Variants in EDAR observed in about 807,000 individuals in gnomAD.
The protein encoded by EDAR is tumor necrosis factor receptor superfamily member EDAR.
A neutral mutation model predicts 51.3 loss-of-function variants in EDAR; 38 were observed. The ratio of observed to expected loss-of-function variants is 0.74; its 90% CI spans 0.57 to 0.97. The LOEUF (loss-of-function observed/expected upper bound fraction) is 0.97, where lower values mean the gene tolerates loss of function less well. Among genes scored for constraint, EDAR ranks in the 50% least tolerant of loss-of-function variants. The pLI is 0.00. For missense variants in EDAR, 528 were observed against 595.0 expected (o/e 0.89, Z 1.17); for synonymous variants, 227 against 242.1 (o/e 0.94, Z 0.58).
intron 1 of EDAR, among the ~76,000 whole-genome samples, chr2:108,979,236 T>C (rs260607): frequency 0.77 from 117,812 of 152,080 alleles, 47,168 homozygotes; most frequent in South Asian, 0.87. Context: ...AGAATCTGCG[T>C]CTTAGAGCCC....
At chr2:108,913,647 T>TAAAA (rs2105408059) in intron 5 of EDAR, among the ~76,000 whole-genome samples, 1 of 152,068 alleles carries the variant, frequency 6.6e-6, no homozygotes, top group East Asian at 1.9e-4. Flanking sequence ...GGAAGGAGGC[T>TAAAA]GGTGATAAAA....
intron 1 of EDAR, among the ~76,000 whole-genome samples, chr2:108,946,039 C>A (rs260714): frequency 2.6e-5 from 4 of 152,082 alleles, no homozygotes; most frequent in African/African-American, 9.7e-5. Flanking sequence ...ACTGGCAGCA[C>A]TAGTCCTCAG....
intron 1 of EDAR, among the ~76,000 whole-genome samples, chr2:108,960,922 G>A (rs1207557091): frequency 6.6e-6 from 1 of 152,138 alleles, no homozygotes; most frequent in African/African-American, 2.4e-5. Flanking sequence ...CTGGACATTC[G>A]ACTTTATTTC....
intron 3 of EDAR, among the ~76,000 whole-genome samples, chr2:108,929,792 A>G (rs977714243): frequency 3.9e-5 from 6 of 152,212 alleles, no homozygotes; most frequent in East Asian, 3.9e-4. Flanking sequence ...AGCACTCAGG[A>G]AAAAATGTAC....
At chr2:108,922,013 G>A (rs1201880430) in intron 5 of EDAR, among the ~76,000 whole-genome samples, 1 of 152,258 alleles carries the variant, frequency 6.6e-6, no homozygotes, top group Non-Finnish European at 1.5e-5. Flanking sequence ...TGAGGACTCA[G>A]GGGACTTTGC....
intron 5 of EDAR, among the ~76,000 whole-genome samples, chr2:108,919,533 T>G (rs1697093846): frequency 6.6e-6 from 1 of 152,112 alleles, no homozygotes; most frequent in Non-Finnish European, 1.5e-5. Context: ...TAATTTTGTA[T>G]TTTTAGTAGA....
chr2:108,943,011 G>C (rs1177051569), intron 1 of EDAR, among the ~76,000 whole-genome samples: 1 of 152,186 alleles, frequency 6.6e-6, no homozygotes, highest in Non-Finnish European at 1.5e-5. Flanking sequence ...CACCGGGCAG[G>C]TGACCCGCAT....
chr2:108,903,269 T>C (rs1696735404), intron 11 of EDAR, among the ~76,000 whole-genome samples: 1 of 152,188 alleles, frequency 6.6e-6, no homozygotes, highest in South Asian at 2.1e-4. Context: ...AGATATACCA[T>C]GCCCATGGCT....
In EDAR at chr2:108,969,026, C is replaced by T. The variant is rs187375966; in HGVS notation, c.-19+19934G>A. ...TCAGAAGCTCCCGGAATCAGCAAGG[C>T]CACCTCAAGGGATCCCTCATTAAGG... On this transcript the variant is annotated intron_variant, in intron 1 of 11. Transcript: ENST00000258443. Among the ~76,000 whole-genome samples the T allele has an allele frequency of 1.4e-4, 22 of 152,284 alleles. No homozygotes were observed. In the East Asian group the frequency reaches 4.2e-3, roughly 29 times the overall value.
At chr2:108,983,360 A>AT (rs1016079194) in intron 1 of EDAR, among the ~76,000 whole-genome samples, 16 of 152,136 alleles carry the variant, frequency 1.1e-4, no homozygotes, top group Admixed American at 5.2e-4. Flanking sequence ...AAGGATTAGG[A>AT]TTTTTTGGGG....
chr2:108,920,018 C>T (rs1697106040), intron 5 of EDAR, among the ~76,000 whole-genome samples: 1 of 152,264 alleles, frequency 6.6e-6, no homozygotes, highest in Non-Finnish European at 1.5e-5. Flanking sequence ...CTGCCTTCTG[C>T]AGCTGAGCAA....
rs1330344750 is a variant in EDAR, at chr2:108,897,246, CCACAGTTAGATGTTGCAAGT to C, written c.1025-37_1025-18del. The C allele has an allele frequency of 1.2e-6, 2 of 1,607,648 alleles. No homozygotes were observed. The highest frequency in any genetic ancestry group is 1.7e-6 in the Non-Finnish European group (2 of 1,174,730). ...GGCTAAGACCTACAGACACCAATGG[CCACAGTTAGATGTTGCAAGT>C]CACAGTCAATAGAAGGTCAACACTG... On this transcript the variant is annotated intron_variant, in intron 11 of 11. Coordinates refer to ENST00000258443, the MANE Select transcript of EDAR (RefSeq NM_022336.4).
chr2:108,904,799 G>A (rs1696771311), intron 11 of EDAR, among the ~76,000 whole-genome samples: 1 of 152,200 alleles, frequency 6.6e-6, no homozygotes. Flanking sequence ...CTGGTTTCCA[G>A]GGGCCTAGGT....
At chr2:108,905,046 G>T (rs1696774720) in intron 11 of EDAR, among the ~76,000 whole-genome samples, 1 of 152,140 alleles carries the variant, frequency 6.6e-6, no homozygotes. Context: ...TTTAATTAAA[G>T]ACAAAACAAA....
chr2:108,987,833 C>T (rs1309830295), intron 1 of EDAR, among the ~76,000 whole-genome samples: 1 of 152,186 alleles, frequency 6.6e-6, no homozygotes, highest in Non-Finnish European at 1.5e-5. Context: ...TTTTTGGTGG[C>T]CTCTGTCAAA....
At chr2:108,947,790 T>C (rs771441163) in intron 1 of EDAR, among the ~76,000 whole-genome samples, 7 of 152,198 alleles carry the variant, frequency 4.6e-5, no homozygotes, top group Admixed American at 2.0e-4. Context: ...TGGGAGAGGC[T>C]GGTGTGAAGA....
At chr2:108,958,965 C>G (rs1359258921) in intron 1 of EDAR, among the ~76,000 whole-genome samples, 2 of 152,242 alleles carry the variant, frequency 1.3e-5, no homozygotes, top group Non-Finnish European at 2.9e-5. Context: ...TGCAAGTCCT[C>G]AAGAAGTGGC....
At chr2:108,964,667 G>A (rs1698116011) in intron 1 of EDAR, among the ~76,000 whole-genome samples, 1 of 152,220 alleles carries the variant, frequency 6.6e-6, no homozygotes, top group African/African-American at 2.4e-5. Context: ...CCAGAAAGAA[G>A]AAGTGCTGAA....
intron 9 of EDAR, 144 bp downstream of exon 9, chr2:108,910,316 A>C: frequency 1.5e-6 from 1 of 680,090 alleles, no homozygotes; most frequent in Non-Finnish European, 2.6e-6. Context: ...GTCAGCAAAG[A>C]GGTGGTGGGG....
Sources: gnomAD v4.1 joint callset for allele counts (sites outside exome capture counted in the v4.1 genomes callset) on GRCh38, gnomAD v4.1.1 for gene constraint, MANE v1.5 for transcripts, NCBI Gene and HGNC (gene_info 2026-07-23, HGNC 2026-07-21) for gene names.